Variants in SLK observed in about 807,000 individuals in gnomAD.
The protein encoded by SLK is STE20 like kinase.
SLK carries 67 observed loss-of-function variants against 147.7 expected under a neutral mutation model. The observed-to-expected ratio is 0.45, with a 90% CI of 0.37 to 0.56. The LOEUF is 0.56. Among genes scored for constraint, SLK ranks in the 20% least tolerant of loss-of-function variants. The pLI is 0.00. For missense variants in SLK, 1,136 were observed against 1,438.8 expected, an observed-to-expected ratio of 0.79 and a Z score of 3.41; for synonymous variants, 441 against 475.0, an observed-to-expected ratio of 0.93 and a Z score of 0.93.
At chr10:103,989,460 G>GTTTTTTTTTTT (rs1202426790) in intron 1 of SLK, among the ~76,000 whole-genome samples, 2 of 96,816 alleles carry the variant, frequency 2.1e-5, no homozygotes, top group African/African-American at 4.7e-5. Context: ...CAGTGTGGCA[G>GTTTTTTTTTTT]TTTCTTTTTT....
rs918980808 is a variant in SLK, at chr10:104,005,925, C to T, written c.2494C>T (p.Arg832Trp). ...ELRFLRRQEL[R>W]ELRFLQKEEQ... ...AAATTTTATCAGACGTCAGGAACTT[C>T]GGGAATTAAGATTTCTTCAGAAAGA... Residue 832 changes from arginine to tryptophan, a missense_variant, in exon 11 of 19, where the codon CGG (arginine) becomes TGG (tryptophan). Coordinates refer to ENST00000369755, the MANE Select transcript of SLK (RefSeq NM_014720.4). 1.6e-5 allele frequency: 26 copies of T among 1,608,954 alleles called. No homozygotes were observed. Among genetic ancestry groups the T allele is most frequent in the Admixed American group, 3.4e-5 (2 of 58,440 alleles).
chr10:104,020,113 C>G (rs1844515750), intron 16 of SLK, among the ~76,000 whole-genome samples, 191 bp downstream of exon 16: 1 of 152,086 alleles, frequency 6.6e-6, no homozygotes, highest in African/African-American at 2.4e-5. Flanking sequence ...ATGGTGGTCA[C>G]AGAGAGCAAA....
intron 12 of SLK, among the ~76,000 whole-genome samples, chr10:104,008,826 C>T (rs1284827584): frequency 6.6e-6 from 1 of 152,152 alleles, no homozygotes; most frequent in Non-Finnish European, 1.5e-5. Context: ...TTAATTCATA[C>T]TTTTAACGAT....
chr10:104,019,664 A>G (rs979448005), intron 15 of SLK, 70 bp from the exon 16 acceptor site: 2 of 1,138,134 alleles, frequency 1.8e-6, no homozygotes, highest in African/African-American at 3.1e-5. Flanking sequence ...ACAAAATGAC[A>G]TATTTGAATA....
intron 7 of SLK, among the ~76,000 whole-genome samples, chr10:104,000,767 T>C (rs1193365171): frequency 6.6e-6 from 1 of 152,088 alleles, no homozygotes; most frequent in Non-Finnish European, 1.5e-5. Flanking sequence ...TTTTAAGAAG[T>C]AATAATGAGG....
intron 13 of SLK, among the ~76,000 whole-genome samples, chr10:104,016,520 AATG>A (rs1844467958): frequency 6.6e-6 from 1 of 152,124 alleles, no homozygotes; most frequent in East Asian, 1.9e-4. Context: ...AAATTTTTTC[AATG>A]ATAATTTTCT....
intron 1 of SLK, among the ~76,000 whole-genome samples, chr10:103,979,419 T>C (rs1285737266): frequency 2.0e-5 from 3 of 152,256 alleles, no homozygotes; most frequent in African/African-American, 7.2e-5. Context: ...ATCTGTGATA[T>C]GGCTTATTCA....
In SLK at chr10:104,026,632, C is replaced by A. The variant is rs182514725; in HGVS notation, c.*912C>A. ...AATACCTGAGCTGGTTAAATGATTT[C>A]TCTCCATCTTAGCTAATTCTGTTTA... On this transcript the variant is annotated 3_prime_UTR_variant, in exon 19 of 19. Transcript: ENST00000369755. 1.8e-4 allele frequency: 28 copies of A among 152,236 alleles called. No individual in the cohort carries two copies. Among genetic ancestry groups the A allele is most frequent in the African/African-American group, 6.7e-4 (28 of 41,546 alleles). 9.4% of individuals were successfully genotyped at this position (152,236 alleles called of 1,614,324 possible). A position where few individuals can be genotyped will look rare whatever the true frequency, so the allele number is the denominator to read the frequency against.
rs753040472 is a variant in SLK, at chr10:103,998,948, T to C, written c.564T>C (p.Asp188=). The C allele has an allele frequency of 1.2e-5, 19 of 1,611,054 alleles. No individual in the cohort carries two copies. The South Asian group carries it at 1.9e-4, about 16-fold the overall frequency. The change falls in exon 5 of 19, where the codon GAT becomes GAC. Residue 188 remains aspartate, a synonymous_variant. Coordinates refer to ENST00000369755, the MANE Select transcript of SLK (RefSeq NM_014720.4). The part of the protein sequence containing the change: ...AKNTRTIQRR[D]SFIGTPYWMA... ...ACACGAGGACAATTCAAAGAAGAGA[T>C]TCCTTTATTGGTACACCATATTGGT...
At position 104,019,761 on chromosome 10, in the gene SLK, C is replaced by G; in HGVS notation, c.3160C>G (p.Gln1054Glu). ...KETEQMQRYN[Q>E]RLIEELKNRQ... ...AACAGAGCAAATGCAGCGTTACAAT[C>G]AAAGACTTATTGAGGAATTGAAAAA... Residue 1054 changes from glutamine to glutamate, a missense_variant, in exon 16 of 19, where the codon CAA becomes GAA. Around this residue, in one of 6 missense-constraint regions of SLK, gnomAD observed 327 missense variants for 457.5 expected, o/e 0.71. Coordinates refer to ENST00000369755, the MANE Select transcript of SLK (RefSeq NM_014720.4). 1 of 1,614,014 alleles carries G rather than the reference C, an allele frequency of 6.2e-7. No individual in the cohort carries two copies. The highest frequency in any genetic ancestry group is 1.1e-5 in the South Asian group (1 of 91,070).
chr10:104,001,467 C>T lies in SLK; in HGVS notation c.888C>T (p.Ser296=). The change falls in exon 8 of 19, where the codon TCC becomes TCT. Residue 296 remains serine (S), a synonymous_variant. Transcript: ENST00000369755. The part of the protein sequence containing the change: ...LLQHPFVTVD[S]NKPIRELIAE... ...AGCATCCCTTTGTTACTGTTGATTC[C>T]AACAAACCCATCCGAGAATTGATTG... 1 of 1,613,382 alleles carries T rather than the reference C, an allele frequency of 6.2e-7. No homozygotes were observed. Among genetic ancestry groups the T allele is most frequent in the Non-Finnish European group, 8.5e-7 (1 of 1,179,634 alleles).
chr10:103,970,216 G>A (rs1843774635), intron 1 of SLK, among the ~76,000 whole-genome samples: 1 of 152,204 alleles, frequency 6.6e-6, no homozygotes, highest in African/African-American at 2.4e-5. Context: ...CAAACTTTGG[G>A]ATGAGATAGG....
Position 104,020,491 on chromosome 10 carries a change from G to T in SLK, c.3325G>T (p.Ala1109Ser), listed in dbSNP as rs1183985978. ...TATCTTTTTTTCTTATTTATAGTTT[G>T]CTGCACAAGAAGAAAAGAGGCAGAA... ...DQDRDKIKQF[A>S]AQEEKRQKNE... is the part of the protein sequence containing the mutation. Residue 1109 changes from alanine (A) to serine (S), a missense_variant, in exon 17 of 19, where the codon GCT (alanine) becomes TCT (serine). Ala to Ser is a moderately conservative substitution (Grantham distance 99). This residue lies in a region of SLK where 327 missense variants were observed against 457.5 expected (regional missense o/e 0.71). Transcript: ENST00000369755. 6.2e-7 allele frequency: 1 copy of T among 1,611,306 alleles called. No homozygotes were observed. The highest frequency in any genetic ancestry group is 1.7e-5 in the Admixed American group (1 of 59,522).
In SLK at chr10:104,021,515, T is replaced by C. The variant is rs1844533386; in HGVS notation, c.3448-105T>C. The C allele has an allele frequency of 7.9e-6, 5 of 630,110 alleles. No homozygotes were observed. In the East Asian group the frequency reaches 8.6e-5, roughly 11 times the overall value. 39.0% of individuals were successfully genotyped at this position (630,110 alleles called of 1,614,324 possible). A position where few individuals can be genotyped will look rare whatever the true frequency, so the allele number is the denominator to read the frequency against. ...TAGAGGAAAACTTGAATCTCAGTAATAGCATGATATTTGATGAGTAATTTA... is the reference window on the plus strand; with the variant it reads ...TAGAGGAAAACTTGAATCTCAGTAACAGCATGATATTTGATGAGTAATTTA... On this transcript the variant is annotated intron_variant, in intron 17 of 18. Transcript: ENST00000369755.
At chr10:104,007,256 A>G (rs909192398) in intron 11 of SLK, among the ~76,000 whole-genome samples, 6 of 152,280 alleles carry the variant, frequency 3.9e-5, no homozygotes, top group Admixed American at 2.0e-4. Flanking sequence ...CTTCACAACA[A>G]TTAGCTATTC....
chr10:104,002,085 A>T (rs1844255974), intron 8 of SLK, 87 bp from the exon 9 acceptor site: 3 of 961,140 alleles, frequency 3.1e-6, no homozygotes, highest in Non-Finnish European at 3.1e-6. Context: ...CTGAATAAAG[A>T]TCTGAAATCA....
At chr10:104,005,743 T>G (rs1844316092) in intron 10 of SLK, 52 bp downstream of exon 10, 1 of 1,553,634 alleles carries the variant, frequency 6.4e-7, no homozygotes, top group South Asian at 1.2e-5. Flanking sequence ...CTTTTCAGTC[T>G]CTGAAAAGTC....
At position 104,002,236 on chromosome 10, in the gene SLK, T is replaced by C. The variant is rs1844258117; in HGVS notation, c.1058T>C (p.Leu353Pro). ...LSIASSEEDKLSQNACILESV... is the reference protein window; with the variant it reads ...LSIASSEEDKPSQNACILESV... The stretch of plus-strand genomic sequence containing the variant: ...ATCGCCAGCTCTGAAGAAGATAAAC[T>C]TTCACAAAATGCTTGTATTTTGGAG... The change falls in exon 9 of 19, where the codon CTT (leucine) becomes CCT (proline). Residue 353 changes from leucine to proline, a missense_variant. Physicochemically the swap from Leu to Pro is moderately conservative, Grantham distance 98. Coordinates refer to ENST00000369755, the MANE Select transcript of SLK (RefSeq NM_014720.4). The C allele has an allele frequency of 1.9e-6, 3 of 1,610,608 alleles. No homozygotes were observed. The highest frequency in any genetic ancestry group is 4.5e-5 in the East Asian group (2 of 44,760).
chr10:104,017,447 C>T (rs1031163248), intron 13 of SLK, among the ~76,000 whole-genome samples: 9 of 152,020 alleles, frequency 5.9e-5, no homozygotes, highest in Non-Finnish European at 2.9e-5. Context: ...TCTGTTTTAC[C>T]TATTAGCTCT....
Sources: gnomAD v4.1 joint callset for allele counts (sites outside exome capture counted in the v4.1 genomes callset) on GRCh38, gnomAD v4.1.1 for gene constraint, gnomAD v4.1.1 regional missense constraint, MANE v1.5 for transcripts, NCBI Gene and HGNC (gene_info 2026-07-23, HGNC 2026-07-21) for gene names.